The following NBEA variants were observed in gnomAD, a reference collection of about 807,000 sequenced individuals.
NBEA encodes the protein lysosomal-trafficking regulator 2.
NBEA carries 44 observed loss-of-function variants against 343.4 expected under a neutral mutation model. The ratio of observed to expected loss-of-function variants is 0.13; its 90% CI spans 0.10 to 0.16. The LOEUF is 0.16. Among genes scored for constraint, NBEA ranks in the 10% least tolerant of loss-of-function variants. NBEA has a pLI of 1.00. For synonymous variants in NBEA, 1,175 were observed against 1,238.7 expected (o/e 0.95, Z 1.08); for missense variants, 2,555 against 3,631.3 (o/e 0.70, Z 7.62).
At position 35,176,980 on chromosome 13, in the gene NBEA, C is replaced by A; in HGVS notation, c.4555-16C>A. 6.8e-7 allele frequency: 1 copy of A among 1,479,472 alleles called. No homozygotes were observed. Among genetic ancestry groups the A allele is most frequent in the Non-Finnish European group, 9.3e-7 (1 of 1,076,722 alleles). The allele number at this position is 1,479,472 out of a possible 1,614,324, so 91.6% of individuals were successfully genotyped here. A position where few individuals can be genotyped will look rare whatever the true frequency, so the allele number is the denominator to read the frequency against. On this transcript the variant is annotated splice_polypyrimidine_tract_variant and intron_variant, in intron 27 of 58. Transcript: ENST00000379939. ...TGTAATATATTATCTATTCACAATT[C>A]TTTTTATTTTCAAAGACTCCATTGG...
chr13:35,115,796 A>G (rs916193922), intron 13 of NBEA, among the ~76,000 whole-genome samples: 5 of 152,204 alleles, frequency 3.3e-5, no homozygotes, highest in African/African-American at 1.2e-4. Context: ...TGGGCCTGGT[A>G]CTAGTCTAAT....
chr13:35,488,117 G>A (rs773135443), intron 41 of NBEA, among the ~76,000 whole-genome samples: 9 of 151,642 alleles, frequency 5.9e-5, no homozygotes, highest in Non-Finnish European at 7.4e-5. Flanking sequence ...TATTTTTTCC[G>A]TGACTTGACT....
intron 38 of NBEA, among the ~76,000 whole-genome samples, chr13:35,376,475 T>C (rs890890337): frequency 1.6e-4 from 25 of 152,206 alleles, no homozygotes; most frequent in African/African-American, 6.0e-4. Flanking sequence ...GTTACTATTA[T>C]TCATAAAATC....
chr13:35,240,155 T>C (rs1004403596), intron 34 of NBEA, among the ~76,000 whole-genome samples: 1 of 151,812 alleles, frequency 6.6e-6, no homozygotes, highest in African/African-American at 2.4e-5. Flanking sequence ...TAGAAAATGA[T>C]TTTGTCAAAT....
chr13:35,140,970 T>C (rs1424451531), intron 17 of NBEA, among the ~76,000 whole-genome samples: 1 of 152,158 alleles, frequency 6.6e-6, no homozygotes, highest in Non-Finnish European at 1.5e-5. Flanking sequence ...GTTGCTGGCT[T>C]GGGGAAAGAG....
intron 41 of NBEA, among the ~76,000 whole-genome samples, chr13:35,518,375 CTG>C (rs1361100345): frequency 6.6e-6 from 1 of 152,158 alleles, no homozygotes; most frequent in African/African-American, 2.4e-5. Flanking sequence ...GAAGCAGACT[CTG>C]AGAGTCAAAG....
At chr13:35,121,745 A>T (rs1316021701) in intron 16 of NBEA, among the ~76,000 whole-genome samples, 1 of 152,134 alleles carries the variant, frequency 6.6e-6, no homozygotes, top group Non-Finnish European at 1.5e-5. Context: ...TTAATAGTAT[A>T]AGCTCTTGGC....
At chr13:35,593,173 C>A in intron 46 of NBEA, 155 bp from the exon 47 acceptor site, 1 of 656,226 alleles carries the variant, frequency 1.5e-6, no homozygotes, top group Non-Finnish European at 2.4e-6. Flanking sequence ...CAAGCCCAGA[C>A]AGGCATCTCC....
chr13:35,008,842 C>G (rs1048881902), intron 1 of NBEA, among the ~76,000 whole-genome samples: 1 of 152,132 alleles, frequency 6.6e-6, no homozygotes, highest in African/African-American at 2.4e-5. Context: ...TACTTACTTG[C>G]AACAATTCTT....
At chr13:35,360,653 A>T (rs1035247448) in intron 38 of NBEA, among the ~76,000 whole-genome samples, 2 of 152,108 alleles carry the variant, frequency 1.3e-5, no homozygotes, top group Non-Finnish European at 2.9e-5. Context: ...CTCAGCTAGG[A>T]AATAAAAAGT....
At chr13:35,578,350 A>G (rs911272769) in intron 45 of NBEA, among the ~76,000 whole-genome samples, 1 of 152,160 alleles carries the variant, frequency 6.6e-6, no homozygotes, top group African/African-American at 2.4e-5. Context: ...GTAGGAAATT[A>G]TGAAAGAAAA....
intron 1 of NBEA, among the ~76,000 whole-genome samples, chr13:34,950,620 T>A (rs2059322198): frequency 6.6e-6 from 1 of 151,654 alleles, no homozygotes; most frequent in African/African-American, 2.4e-5. Flanking sequence ...AAAAAAATTT[T>A]AAATACTTTA....
At chr13:35,352,362 G>T in intron 38 of NBEA, 39 bp downstream of exon 38, 1 of 1,115,684 alleles carries the variant, frequency 9.0e-7, no homozygotes. Context: ...TAATTCATAG[G>T]TTAATTATAA....
intron 36 of NBEA, among the ~76,000 whole-genome samples, chr13:35,325,564 C>A (rs2038493792): frequency 6.6e-6 from 1 of 151,970 alleles, no homozygotes; most frequent in Non-Finnish European, 1.5e-5. Context: ...AATGAAATTA[C>A]AGACTCATAT....
chr13:34,949,202 T>TAAA (rs2059277904), intron 1 of NBEA, among the ~76,000 whole-genome samples: 1 of 152,132 alleles, frequency 6.6e-6, no homozygotes, highest in African/African-American at 2.4e-5. Flanking sequence ...CTCACCCAGT[T>TAAA]TATTGTTTCA....
chr13:35,594,717 A>C (rs1351159468), intron 47 of NBEA, among the ~76,000 whole-genome samples: 1 of 152,030 alleles, frequency 6.6e-6, no homozygotes, highest in Non-Finnish European at 1.5e-5. Flanking sequence ...CACTTTGAGA[A>C]TTAATACAGA....
intron 10 of NBEA, among the ~76,000 whole-genome samples, chr13:35,084,066 A>T (rs1349432256): frequency 6.6e-6 from 1 of 152,178 alleles, no homozygotes; most frequent in Non-Finnish European, 1.5e-5. Flanking sequence ...GAGCACCCAG[A>T]TTCATAAAGC....
chr13:35,613,905 T>G (rs750750951), intron 48 of NBEA, among the ~76,000 whole-genome samples: 13 of 152,318 alleles, frequency 8.5e-5, no homozygotes, highest in Admixed American at 2.0e-4. Flanking sequence ...CAGGCCTATT[T>G]TTAGTTTTTT....
chr13:35,324,797 T>C (rs1365604159), intron 36 of NBEA, among the ~76,000 whole-genome samples: 1 of 152,132 alleles, frequency 6.6e-6, no homozygotes, highest in African/African-American at 2.4e-5. Flanking sequence ...AGCTATTTCA[T>C]TGGGCAATAA....
Sources: allele counts gnomAD v4.1 joint callset (sites outside exome capture counted in the v4.1 genomes callset), GRCh38; gene constraint gnomAD v4.1.1; transcripts MANE v1.5; gene names NCBI Gene and HGNC (gene_info 2026-07-23, HGNC 2026-07-21).